Variants in FSTL5 observed in about 807,000 individuals in gnomAD.
FSTL5 encodes the protein follistatin-related protein 5.
A neutral mutation model predicts 89.1 loss-of-function variants in FSTL5; 62 were observed. That is an observed-to-expected ratio of 0.70 (90% CI 0.57 to 0.86). The LOEUF (loss-of-function observed/expected upper bound fraction) is 0.86, where lower values mean the gene tolerates loss of function less well. Among genes scored for constraint, FSTL5 ranks in the 40% least tolerant of loss-of-function variants. The probability of loss-of-function intolerance (pLI) is 0.00; values close to 1 mark genes in which losing one functional copy is unlikely to be tolerated. For synonymous variants in FSTL5, 383 were observed against 346.2 expected (o/e 1.11, Z -1.18); for missense variants, 1,057 against 1,001.6 (o/e 1.06, Z -0.75).
At chr4:161,858,226 G>C (rs1434394491) in intron 4 of FSTL5, among the ~76,000 whole-genome samples, 1 of 152,160 alleles carries the variant, frequency 6.6e-6, no homozygotes, top group Non-Finnish European at 1.5e-5. Flanking sequence ...GCCCTCATCA[G>C]AACTGGACCA....
At chr4:162,003,899 T>C (rs934521027) in intron 3 of FSTL5, among the ~76,000 whole-genome samples, 4 of 152,202 alleles carry the variant, frequency 2.6e-5, no homozygotes, top group African/African-American at 9.7e-5. Context: ...ATGATTGTGC[T>C]CATCTGGCAA....
intron 7 of FSTL5, among the ~76,000 whole-genome samples, chr4:161,600,198 C>CACACACACAA (rs1491007700): frequency 6.8e-6 from 1 of 146,222 alleles, no homozygotes; most frequent in Non-Finnish European, 1.5e-5. Flanking sequence ...CACACACACA[C>CACACACACAA]AAACAGTATG....
chr4:161,564,707 C>T (rs1037685485), intron 8 of FSTL5, among the ~76,000 whole-genome samples: 4 of 151,178 alleles, frequency 2.6e-5, no homozygotes, highest in African/African-American at 4.9e-5. Context: ...TAGATACTTC[C>T]AAAGACATAA....
chr4:161,923,739 A>G (rs1363146007), intron 3 of FSTL5, among the ~76,000 whole-genome samples: 1 of 151,698 alleles, frequency 6.6e-6, no homozygotes. Flanking sequence ...CATATCTAGT[A>G]TATATAGGTT....
chr4:161,566,651 C>T (rs1359153002), intron 8 of FSTL5, among the ~76,000 whole-genome samples: 1 of 151,996 alleles, frequency 6.6e-6, no homozygotes, highest in African/African-American at 2.4e-5. Context: ...GCCATTCTAA[C>T]TGGTGTGAGA....
At chr4:161,545,869 A>T (rs1442827981) in intron 8 of FSTL5, among the ~76,000 whole-genome samples, 1 of 151,992 alleles carries the variant, frequency 6.6e-6, no homozygotes, top group Non-Finnish European at 1.5e-5. Context: ...ACAACAAAAT[A>T]TCTCAAGGCT....
At chr4:161,526,621 G>C (rs1283236018) in intron 10 of FSTL5, among the ~76,000 whole-genome samples, 1 of 152,134 alleles carries the variant, frequency 6.6e-6, no homozygotes, top group Non-Finnish European at 1.5e-5. Flanking sequence ...ATTAATTTTT[G>C]TATAAGGTTT....
intron 1 of FSTL5, among the ~76,000 whole-genome samples, chr4:162,137,382 T>C (rs1732560976): frequency 6.6e-6 from 1 of 152,068 alleles, no homozygotes; most frequent in Admixed American, 6.6e-5. Context: ...ACAGAGATTA[T>C]AATTAGAAGG....
At chr4:161,668,576 A>T (rs940420988) in intron 6 of FSTL5, among the ~76,000 whole-genome samples, 2 of 152,208 alleles carry the variant, frequency 1.3e-5, no homozygotes, top group African/African-American at 4.8e-5. Flanking sequence ...AGAAAGCTGC[A>T]TAAAAATATC....
intron 10 of FSTL5, among the ~76,000 whole-genome samples, chr4:161,535,417 G>A (rs1425989491): frequency 6.6e-6 from 1 of 152,000 alleles, no homozygotes; most frequent in South Asian, 2.1e-4. Flanking sequence ...AATGGGAAAA[G>A]CATAAGAACA....
intron 8 of FSTL5, among the ~76,000 whole-genome samples, chr4:161,549,273 G>C (rs1037047845): frequency 6.6e-6 from 1 of 151,242 alleles, no homozygotes; most frequent in African/African-American, 2.4e-5. Context: ...AATAAATATT[G>C]TACTATATTT....
rs546528311 is a variant in FSTL5, at chr4:161,450,404, T to A, written c.1841+4600A>T. On this transcript the variant is annotated intron_variant, in intron 15 of 15. Coordinates refer to ENST00000306100, the MANE Select transcript of FSTL5 (RefSeq NM_020116.5). ...AATTGATTATGTAAATCCTCATGCT[T>A]TATGAGAATTACTTGTTTTGAAGTT... Among the ~76,000 whole-genome samples the A allele has an allele frequency of 2.6e-5, 4 of 152,334 alleles. No individual in the cohort carries two copies. The East Asian group carries it at 7.7e-4, about 29-fold the overall frequency.
intron 8 of FSTL5, among the ~76,000 whole-genome samples, chr4:161,563,118 G>A (rs370309001): frequency 3.2e-4 from 48 of 151,876 alleles, no homozygotes; most frequent in East Asian, 2.1e-3. Flanking sequence ...CTTCCAAACC[G>A]TGAACAATAT....
intron 4 of FSTL5, among the ~76,000 whole-genome samples, chr4:161,777,948 G>T (rs1741477668): frequency 6.6e-6 from 1 of 152,042 alleles, no homozygotes; most frequent in African/African-American, 2.4e-5. Context: ...AAAAAAATTG[G>T]CCGGGCACGA....
chr4:161,810,117 T>C (rs1266931365), intron 4 of FSTL5, among the ~76,000 whole-genome samples: 1 of 152,182 alleles, frequency 6.6e-6, no homozygotes, highest in South Asian at 2.1e-4. Flanking sequence ...GTAGTTGTGA[T>C]GAAATGTCAT....
At chr4:161,750,656 A>C (rs1297283542) in intron 6 of FSTL5, among the ~76,000 whole-genome samples, 1 of 152,164 alleles carries the variant, frequency 6.6e-6, no homozygotes, top group African/African-American at 2.4e-5. Flanking sequence ...TTTAAAAATT[A>C]TGATTTTCAA....
intron 7 of FSTL5, among the ~76,000 whole-genome samples, chr4:161,611,829 C>A (rs1428568615): frequency 2.0e-5 from 3 of 152,148 alleles, no homozygotes; most frequent in Non-Finnish European, 4.4e-5. Flanking sequence ...AGTCAGAAAG[C>A]AAAGACCTGG....
intron 15 of FSTL5, among the ~76,000 whole-genome samples, chr4:161,450,608 T>C (rs2126390338): frequency 6.6e-6 from 1 of 152,326 alleles, no homozygotes; most frequent in Non-Finnish European, 1.5e-5. Flanking sequence ...ACTTATTTTT[T>C]TGGATACAAA....
chr4:161,726,351 C>A (rs1434833207), intron 6 of FSTL5, among the ~76,000 whole-genome samples: 1 of 151,142 alleles, frequency 6.6e-6, no homozygotes, highest in Admixed American at 6.6e-5. Flanking sequence ...GTCAGCCTCC[C>A]GAGTAGCTGG....
Sources: allele counts gnomAD v4.1 joint callset (sites outside exome capture counted in the v4.1 genomes callset), GRCh38; gene constraint gnomAD v4.1.1; transcripts MANE v1.5; gene names NCBI Gene and HGNC (gene_info 2026-07-23, HGNC 2026-07-21).